Variants in GRIN2A observed in about 807,000 individuals in gnomAD.
GRIN2A encodes the protein glutamate receptor ionotropic, NMDA 2A.
Under a neutral mutation model 113.4 loss-of-function variants are expected in GRIN2A, and 22 were observed. The ratio of observed to expected loss-of-function variants is 0.19; its 90% CI spans 0.14 to 0.28. The LOEUF (loss-of-function observed/expected upper bound fraction) is 0.28. GRIN2A is among the 10% of genes least tolerant of loss of function. The probability of loss-of-function intolerance (pLI) is 1.00; values close to 1 mark genes in which losing one functional copy is unlikely to be tolerated. For synonymous variants in GRIN2A, 827 were observed against 738.4 expected (o/e 1.12, Z -1.94); for missense variants, 1,502 against 1,887.0 (o/e 0.80, Z 3.78).
chr16:9,868,008 T>C (rs16966542), intron 4 of GRIN2A, among the ~76,000 whole-genome samples: 3,717 of 152,278 alleles, frequency 0.024, 155 homozygotes, highest in African/African-American at 0.085. Flanking sequence ...ATCTGCCATA[T>C]AGGAGTTCTT....
chr16:9,792,410 G>T (rs1410590320), intron 11 of GRIN2A, among the ~76,000 whole-genome samples: 2 of 152,066 alleles, frequency 1.3e-5, no homozygotes, highest in Non-Finnish European at 2.9e-5. Flanking sequence ...TTTTTGTAGA[G>T]ATGGGTTTTT....
Position 9,759,188 on chromosome 16 carries a change from C to T in GRIN2A, c.*3961G>A, listed in dbSNP as rs1402606020. On this transcript the variant is annotated 3_prime_UTR_variant, in exon 13 of 13. Coordinates refer to ENST00000330684, the MANE Select transcript of GRIN2A (RefSeq NM_001134407.3). Reference sequence around the variant, plus strand: ...TAGTGTTTATTTAGGTCTTAAACCGCAAGGGATTTCAGTACAAGGTACTTA... The same window carrying T: ...TAGTGTTTATTTAGGTCTTAAACCGTAAGGGATTTCAGTACAAGGTACTTA... 4.6e-6 allele frequency: 1 copy of T among 217,408 alleles called. No individual in the cohort carries two copies. Among genetic ancestry groups the T allele is most frequent in the African/African-American group, 2.2e-5 (1 of 44,504 alleles). The allele number at this position is 217,408 out of a possible 1,614,324, so 13.5% of individuals were successfully genotyped here.
intron 5 of GRIN2A, among the ~76,000 whole-genome samples, chr16:9,846,437 A>T (rs1182417972): frequency 6.6e-6 from 1 of 152,228 alleles, no homozygotes; most frequent in Admixed American, 6.5e-5. Flanking sequence ...TTTAGCAATC[A>T]CATATTATAT....
intron 10 of GRIN2A, among the ~76,000 whole-genome samples, chr16:9,802,841 T>A (rs1210603545): frequency 6.6e-6 from 1 of 152,136 alleles, no homozygotes; most frequent in Non-Finnish European, 1.5e-5. Flanking sequence ...TAATTTAGAT[T>A]GTAATGTAGG....
intron 2 of GRIN2A, among the ~76,000 whole-genome samples, chr16:10,098,507 T>G (rs938682639): frequency 2.6e-5 from 4 of 152,120 alleles, no homozygotes; most frequent in African/African-American, 7.2e-5. Context: ...TGCACACACA[T>G]GTTTACAGCA....
At position 9,757,667 on chromosome 16, in the gene GRIN2A, C is replaced by G. The variant is rs1567269727; in HGVS notation, c.*5482G>C. 1 of 220,660 alleles carries G rather than the reference C, an allele frequency of 4.5e-6. No homozygotes were observed. Among genetic ancestry groups the G allele is most frequent in the Non-Finnish European group, 9.1e-6 (1 of 110,150 alleles). The allele number at this position is 220,660 out of a possible 1,614,324, so 13.7% of individuals were successfully genotyped here. On this transcript the variant is annotated 3_prime_UTR_variant, in exon 13 of 13. Transcript: ENST00000330684. The stretch of plus-strand genomic sequence containing the variant: ...CTTGGTTCTTCCTCAATGCATGATA[C>G]ATAGACCTCAATTATTTCAATGGTC...
In GRIN2A at chr16:9,764,582, G is replaced by C; in HGVS notation, c.2962C>G (p.Leu988Val). The C allele has an allele frequency of 6.2e-7, 1 of 1,614,016 alleles. No individual in the cohort carries two copies. The highest frequency in any genetic ancestry group is 1.3e-5 in the African/African-American group (1 of 75,054). ...YVFQGQHPLT[L>V]NESNPNTVEV... ...ACCGTGTTAGGGTTGGACTCATTGA[G>C]AGTAAGAGGATGTTGTCCCTGGAAT... The change falls in exon 13 of 13, where the codon CTC becomes GTC. Residue 988 changes from leucine (L) to valine (V), a missense_variant. Leu to Val is a conservative substitution (Grantham distance 32). Coordinates refer to ENST00000330684, the MANE Select transcript of GRIN2A (RefSeq NM_001134407.3).
At chr16:10,016,683 C>T (rs956600836) in intron 2 of GRIN2A, among the ~76,000 whole-genome samples, 1 of 152,156 alleles carries the variant, frequency 6.6e-6, no homozygotes, top group Non-Finnish European at 1.5e-5. Flanking sequence ...TAGTTTCTCT[C>T]CCCCACTGGG....
chr16:9,964,398 A>G (rs999708248), intron 2 of GRIN2A, among the ~76,000 whole-genome samples: 4 of 152,176 alleles, frequency 2.6e-5, no homozygotes, highest in African/African-American at 9.6e-5. Flanking sequence ...TGACAATTTA[A>G]TGGGATCAGC....
At chr16:10,137,277 AAGG>A (rs2049215640) in intron 2 of GRIN2A, among the ~76,000 whole-genome samples, 1 of 152,190 alleles carries the variant, frequency 6.6e-6, no homozygotes, top group Non-Finnish European at 1.5e-5. Context: ...CCTCATTTAA[AAGG>A]AGAACAAAAA....
At chr16:9,794,472 G>A (rs988159606) in intron 11 of GRIN2A, among the ~76,000 whole-genome samples, 5 of 152,108 alleles carry the variant, frequency 3.3e-5, no homozygotes, top group Admixed American at 2.6e-4. Context: ...AGCTGCATAC[G>A]ATAAGTGAAA....
intron 2 of GRIN2A, among the ~76,000 whole-genome samples, chr16:10,116,279 T>A (rs938556419): frequency 2.6e-5 from 4 of 151,976 alleles, no homozygotes; most frequent in African/African-American, 9.7e-5. Context: ...TGAGAACACA[T>A]GGACACAGGG....
intron 2 of GRIN2A, among the ~76,000 whole-genome samples, chr16:10,149,259 G>A (rs928387840): frequency 1.3e-5 from 2 of 152,310 alleles, no homozygotes; most frequent in African/African-American, 4.8e-5. Flanking sequence ...ACAAATGCTT[G>A]AGGTGATGGA....
At chr16:10,020,871 A>G (rs939321468) in intron 2 of GRIN2A, among the ~76,000 whole-genome samples, 5 of 152,200 alleles carry the variant, frequency 3.3e-5, no homozygotes, top group Admixed American at 2.6e-4. Flanking sequence ...GCTCCAACAT[A>G]AAGAGCCACA....
At chr16:10,166,544 T>C (rs964123462) in intron 2 of GRIN2A, among the ~76,000 whole-genome samples, 25 of 152,162 alleles carry the variant, frequency 1.6e-4, no homozygotes, top group Middle Eastern at 3.2e-3. Flanking sequence ...CCCTCAGACC[T>C]GTGGATGAAG....
At chr16:10,053,501 C>G (rs1052821640) in intron 2 of GRIN2A, among the ~76,000 whole-genome samples, 2 of 152,158 alleles carry the variant, frequency 1.3e-5, no homozygotes, top group African/African-American at 4.8e-5. Context: ...CCACTACACA[C>G]CGTCTCTCTT....
chr16:9,995,205 C>A (rs112027034), intron 2 of GRIN2A, among the ~76,000 whole-genome samples: 1 of 152,250 alleles, frequency 6.6e-6, no homozygotes, highest in Non-Finnish European at 1.5e-5. Flanking sequence ...TATAAGAAAT[C>A]AGCCCCCTGG....
intron 12 of GRIN2A, among the ~76,000 whole-genome samples, chr16:9,767,146 A>G (rs369722572): frequency 4.6e-5 from 7 of 152,222 alleles, no homozygotes; most frequent in East Asian, 3.8e-4. Context: ...ACCTAGCTCT[A>G]TGCACGTACG....
At chr16:10,001,768 T>C (rs1048632832) in intron 2 of GRIN2A, among the ~76,000 whole-genome samples, 2 of 152,170 alleles carry the variant, frequency 1.3e-5, no homozygotes, top group African/African-American at 4.8e-5. Context: ...ATGAAATTCA[T>C]GGGGTAGGCA....
Sources: gnomAD v4.1 joint callset for allele counts (sites outside exome capture counted in the v4.1 genomes callset) on GRCh38, gnomAD v4.1.1 for gene constraint, MANE v1.5 for transcripts, NCBI Gene and HGNC (gene_info 2026-07-23, HGNC 2026-07-21) for gene names.